Variants in STXBP6 observed in about 807,000 individuals in gnomAD.
The protein encoded by STXBP6 is syntaxin binding protein 6.
In STXBP6, 21 loss-of-function variants were observed where a neutral mutation model predicts 26.9. The observed-to-expected ratio is 0.78, with a 90% confidence interval of 0.55 to 1.12. STXBP6 has a LOEUF of 1.12. Among genes scored for constraint, STXBP6 ranks in the 50% most tolerant of loss-of-function variants. The pLI is 0.00. For missense variants in STXBP6, 232 were observed against 257.9 expected (o/e 0.90, Z 0.69); for synonymous variants, 97 against 92.6 (o/e 1.05, Z -0.27).
At chr14:24,899,803 A>AAAAAAAAAAAAAAAAGC (rs2071144681) in intron 2 of STXBP6, among the ~76,000 whole-genome samples, 8 of 80,090 alleles carry the variant, frequency 1.0e-4, no homozygotes, top group Non-Finnish European at 1.8e-4. Flanking sequence ...AAAAAAAGCA[A>AAAAAAAAAAAAAAAAGC]AAAAAAAAAA....
intron 2 of STXBP6, among the ~76,000 whole-genome samples, chr14:24,882,914 C>T (rs2070427614): frequency 6.6e-6 from 1 of 152,074 alleles, no homozygotes; most frequent in Non-Finnish European, 1.5e-5. Context: ...AGGAACTGCT[C>T]CTGAGAAAAT....
chr14:24,932,226 G>T (rs1393640897), intron 2 of STXBP6, among the ~76,000 whole-genome samples: 1 of 152,210 alleles, frequency 6.6e-6, no homozygotes, highest in Non-Finnish European at 1.5e-5. Flanking sequence ...GGCTAACATG[G>T]TGAAACTCCA....
intron 1 of STXBP6, among the ~76,000 whole-genome samples, chr14:25,026,718 G>A (rs2075355992): frequency 6.6e-6 from 1 of 152,054 alleles, no homozygotes; most frequent in Admixed American, 6.6e-5. Flanking sequence ...AGTATGGCAG[G>A]ACTGACCCAT....
intron 1 of STXBP6, 86 bp from the exon 2 acceptor site, chr14:24,974,936 G>T (rs905301799): frequency 9.4e-6 from 8 of 853,922 alleles, no homozygotes; most frequent in Non-Finnish European, 1.1e-5. Context: ...GAATTTGCAG[G>T]TGAAGTAATT....
At chr14:24,919,309 A>T (rs1003951697) in intron 2 of STXBP6, among the ~76,000 whole-genome samples, 1 of 152,068 alleles carries the variant, frequency 6.6e-6, no homozygotes, top group Non-Finnish European at 1.5e-5. Flanking sequence ...GAGATGGAAG[A>T]AAGGTTTCTA....
At position 24,887,467 on chromosome 14, in the gene STXBP6, T is replaced by G. The variant is rs539056874; in HGVS notation, c.155-30310A>C. ...CAGCCCTTCTTCCTAAAATCTATAT[T>G]TGGATTCAACAGTCAGTGGTCTCAA... On this transcript the variant is annotated intron_variant, in intron 2 of 5. Coordinates refer to ENST00000323944, the MANE Select transcript of STXBP6 (RefSeq NM_001394410.1). Among the ~76,000 whole-genome samples the G allele has an allele frequency of 4.7e-4, 71 of 152,320 alleles. 1 individual carries two copies. The highest frequency in any genetic ancestry group is 6.8e-3 in the Middle Eastern group (2 of 294).
At chr14:25,012,609 AAAAC>A (rs969505985) in intron 1 of STXBP6, among the ~76,000 whole-genome samples, 24 of 152,320 alleles carry the variant, frequency 1.6e-4, no homozygotes, top group African/African-American at 4.1e-4. Flanking sequence ...CAAAAACAAA[AAAAC>A]AAACAAACAA....
chr14:24,809,501 G>T lies in STXBP6; in HGVS notation c.*3208C>A, dbSNP rs111877050. On this transcript the variant is annotated 3_prime_UTR_variant, in exon 6 of 6. Transcript: ENST00000323944. ...TATTACATTCCAAGCTTTTCCATTAGAACATATGTAATGACATTTTATCAT... is the reference window on the plus strand; with the variant it reads ...TATTACATTCCAAGCTTTTCCATTATAACATATGTAATGACATTTTATCAT... Among the ~76,000 whole-genome samples, 13 of 152,136 alleles carry T rather than the reference G, an allele frequency of 8.5e-5. 1 individual carries two copies. The highest frequency in any genetic ancestry group is 2.9e-4 in the African/African-American group (12 of 41,516).
chr14:24,896,155 G>A (rs896074167), intron 2 of STXBP6, among the ~76,000 whole-genome samples: 11 of 152,036 alleles, frequency 7.2e-5, no homozygotes, highest in African/African-American at 2.7e-4. Context: ...GAATTCTTCG[G>A]CTTTCAAAAG....
intron 2 of STXBP6, among the ~76,000 whole-genome samples, chr14:24,962,589 A>G (rs531353835): frequency 6.6e-6 from 1 of 152,092 alleles, no homozygotes; most frequent in Non-Finnish European, 1.5e-5. Context: ...CAGCCTCCCA[A>G]AGTGCTGGGA....
rs115269891 is a variant in STXBP6 at position 24,819,746 on chromosome 14, G to A, written c.452-552C>T. Among the ~76,000 whole-genome samples the A allele has an allele frequency of 6.1e-3, 922 of 152,286 alleles. 7 individuals carry two copies. The highest frequency in any genetic ancestry group is 0.021 in the African/African-American group (883 of 41,556). ...AGTAAAGAACACCCCAAAATGTACA[G>A]CTTCATGTAAGAGCTATGATCCAGT... On this transcript the variant is annotated intron_variant, in intron 4 of 5. Transcript: ENST00000323944.
rs932323023 is a variant in STXBP6, at chr14:24,961,544, C to T, written c.154+13121G>A. Among the ~76,000 whole-genome samples the T allele has an allele frequency of 4.6e-5, 7 of 151,114 alleles. No homozygotes were observed. The South Asian group carries it at 1.0e-3, about 22-fold the overall frequency. On this transcript the variant is annotated intron_variant, in intron 2 of 5. Coordinates refer to ENST00000323944, the MANE Select transcript of STXBP6 (RefSeq NM_001394410.1). The stretch of plus-strand genomic sequence containing the variant: ...TATTCTAAGTGAAGTAACTCAGAAA[C>T]AGAACATCAAATACAGAATGTTCTC...
At chr14:24,921,874 C>T (rs35198326) in intron 2 of STXBP6, among the ~76,000 whole-genome samples, 4,583 of 152,164 alleles carry the variant, frequency 0.03, 106 homozygotes, top group Non-Finnish European at 0.044. Context: ...TCAAAGTTGG[C>T]CTGTACATCC....
At chr14:25,018,271 G>A (rs930180042) in intron 1 of STXBP6, among the ~76,000 whole-genome samples, 8 of 152,004 alleles carry the variant, frequency 5.3e-5, no homozygotes, top group Admixed American at 2.0e-4. Flanking sequence ...AAATACTAGC[G>A]TGGGTGCCTA....
chr14:24,977,765 C>G (rs146425574), intron 1 of STXBP6, among the ~76,000 whole-genome samples: 262 of 152,240 alleles, frequency 1.7e-3, no homozygotes, highest in South Asian at 8.1e-3. Flanking sequence ...TGAGTAAATG[C>G]AGCAATCTAT....
At chr14:24,983,906 C>T (rs1223643594) in intron 1 of STXBP6, among the ~76,000 whole-genome samples, 1 of 152,146 alleles carries the variant, frequency 6.6e-6, no homozygotes, top group Non-Finnish European at 1.5e-5. Flanking sequence ...AGTTTATATG[C>T]TTTCTAAAAT....
chr14:24,812,139 A>G lies in STXBP6; in HGVS notation c.*570T>C, dbSNP rs2067841359. 3 of 151,442 alleles carry G rather than the reference A, an allele frequency of 2.0e-5. No homozygotes were observed. Among genetic ancestry groups the G allele is most frequent in the Non-Finnish European group, 4.4e-5 (3 of 67,998 alleles). The allele number at this position is 151,442 out of a possible 1,614,324, so 9.4% of individuals were successfully genotyped here. A position where few individuals can be genotyped will look rare whatever the true frequency, so the allele number is the denominator to read the frequency against. ...TGGTTCATGCAAAAGATTACTATGC[A>G]AGGAGCAAAATCTAAGACTGCTGTT... On this transcript the variant is annotated 3_prime_UTR_variant, in exon 6 of 6. Coordinates refer to ENST00000323944, the MANE Select transcript of STXBP6 (RefSeq NM_001394410.1).
chr14:24,933,007 A>T (rs2072472259), intron 2 of STXBP6, among the ~76,000 whole-genome samples: 1 of 152,150 alleles, frequency 6.6e-6, no homozygotes, highest in South Asian at 2.1e-4. Context: ...TAAATATAAG[A>T]TCTCAATTTG....
intron 2 of STXBP6, among the ~76,000 whole-genome samples, chr14:24,901,405 C>A (rs1476846115): frequency 6.6e-6 from 1 of 152,120 alleles, no homozygotes; most frequent in African/African-American, 2.4e-5. Context: ...GCAACCCTAA[C>A]ACTTACACAT....
Sources: gnomAD v4.1 joint callset for allele counts (sites outside exome capture counted in the v4.1 genomes callset) on GRCh38, gnomAD v4.1.1 for gene constraint, MANE v1.5 for transcripts, NCBI Gene and HGNC (gene_info 2026-07-23, HGNC 2026-07-21) for gene names.